Variants in BAZ2B observed in about 807,000 individuals in gnomAD.
BAZ2B encodes bromodomain adjacent to zinc finger domain protein 2B.
BAZ2B carries 91 observed loss-of-function variants against 246.0 expected under a neutral mutation model. The ratio of observed to expected loss-of-function variants is 0.37; its 90% CI spans 0.31 to 0.44. The LOEUF is 0.44. Among genes scored for constraint, BAZ2B ranks in the 20% least tolerant of loss-of-function variants. BAZ2B has a pLI of 1.00. For missense variants in BAZ2B, 2,332 were observed against 2,533.7 expected, an observed-to-expected ratio of 0.92 and a Z score of 1.71; for synonymous variants, 855 against 860.0, an observed-to-expected ratio of 0.99 and a Z score of 0.10.
chr2:159,700,724 C>T, the BAZ2B span, among the ~76,000 whole-genome samples: 2 of 152,178 alleles, frequency 1.3e-5, no homozygotes, highest in Non-Finnish European at 2.9e-5. Flanking sequence ...GGATTACAGG[C>T]GTGAGCCACC....
At chr2:159,709,887 T>C in the BAZ2B span, among the ~76,000 whole-genome samples, 3 of 152,322 alleles carry the variant, frequency 2.0e-5, no homozygotes, top group Admixed American at 6.5e-5. Context: ...AATTGGTTAA[T>C]AGTCAATAAG....
At chr2:159,338,875 C>G (rs2066119060) in intron 31 of BAZ2B, among the ~76,000 whole-genome samples, 1 of 152,034 alleles carries the variant, frequency 6.6e-6, no homozygotes, top group Admixed American at 6.6e-5. Context: ...TAAATTCATA[C>G]ATTACTCTGT....
the BAZ2B span, among the ~76,000 whole-genome samples, chr2:159,628,841 C>T: frequency 1.3e-5 from 2 of 152,182 alleles, no homozygotes; most frequent in Non-Finnish European, 2.9e-5. Flanking sequence ...AACTAAGGAG[C>T]TTCTGCACAG....
chr2:159,612,023 C>G (rs1694813742), intron 1 of BAZ2B, among the ~76,000 whole-genome samples: 1 of 151,836 alleles, frequency 6.6e-6, no homozygotes, highest in Non-Finnish European at 1.5e-5. Flanking sequence ...TATTTAGTAT[C>G]ACACATTTTA....
At chr2:159,405,220 T>A in intron 14 of BAZ2B, 106 bp from the exon 15 acceptor site, 11 of 577,920 alleles carry the variant, frequency 1.9e-5, no homozygotes, top group Non-Finnish European at 2.6e-5. Context: ...TAATTATTAC[T>A]TTTTTTTTTG....
At chr2:159,389,620 A>G (rs1452808509) in intron 20 of BAZ2B, 135 bp from the exon 21 acceptor site, 1 of 790,702 alleles carries the variant, frequency 1.3e-6, no homozygotes, top group African/African-American at 1.8e-5. Context: ...TAATCTTATG[A>G]CTGTATATAT....
chr2:159,351,866 G>A (rs921251743), intron 27 of BAZ2B, among the ~76,000 whole-genome samples: 5 of 152,168 alleles, frequency 3.3e-5, no homozygotes, highest in African/African-American at 1.2e-4. Flanking sequence ...ATTCAGTCAT[G>A]AAGGGTATAA....
chr2:159,675,705 GA>G, the BAZ2B span, among the ~76,000 whole-genome samples: 9 of 151,820 alleles, frequency 5.9e-5, no homozygotes, highest in African/African-American at 1.5e-4. Context: ...AGAATATAAC[GA>G]AATCCCAGCT....
At chr2:159,634,285 T>C in the BAZ2B span, among the ~76,000 whole-genome samples, 4 of 152,192 alleles carry the variant, frequency 2.6e-5, no homozygotes, top group Admixed American at 2.6e-4. Flanking sequence ...TAGAAAACTT[T>C]TTTGACTCAC....
At chr2:159,497,096 T>C (rs949153359) in intron 2 of BAZ2B, among the ~76,000 whole-genome samples, 4 of 152,192 alleles carry the variant, frequency 2.6e-5, no homozygotes, top group Non-Finnish European at 5.9e-5. Context: ...AATACTGTTA[T>C]CTCCATAATT....
chr2:159,554,686 GTTAAA>G (rs754754329), intron 2 of BAZ2B, among the ~76,000 whole-genome samples: 7 of 151,970 alleles, frequency 4.6e-5, no homozygotes, highest in Admixed American at 2.0e-4. Context: ...GATTTAATGA[GTTAAA>G]TTAAAACAGT....
At chr2:159,615,192 G>A (rs1245870543) in intron 1 of BAZ2B, 2 of 147,130 alleles carry the variant, frequency 1.4e-5, no homozygotes, top group Non-Finnish European at 3.0e-5. Flanking sequence ...AGCCAGCTCT[G>A]ACTCTTCAAA....
intron 6 of BAZ2B, among the ~76,000 whole-genome samples, chr2:159,442,797 A>G (rs1252896886): frequency 6.6e-6 from 1 of 152,316 alleles, no homozygotes; most frequent in African/African-American, 2.4e-5. Flanking sequence ...ACTTTGTATA[A>G]TAATGTCCTC....
At position 159,606,132 on chromosome 2, in the gene BAZ2B, T is replaced by C. The variant is rs570363439; in HGVS notation, c.-46+10110A>G. Among the ~76,000 whole-genome samples the C allele has an allele frequency of 6.6e-5, 10 of 152,336 alleles. No individual in the cohort carries two copies. The East Asian group carries it at 1.5e-3, about 24-fold the overall frequency. ...TTTAATGCTAAAATACTTACACTAC[T>C]ATGGACAAAATCTTGATATGTTCCA... On this transcript the variant is annotated intron_variant, in intron 1 of 36. Transcript: ENST00000392783.
At chr2:159,360,569 C>CAATG (rs1553516586) in intron 27 of BAZ2B, among the ~76,000 whole-genome samples, 2 of 151,296 alleles carry the variant, frequency 1.3e-5, no homozygotes, top group Admixed American at 6.6e-5. Flanking sequence ...ATCAAGCTAC[C>CAATG]ACTTTCTTCA....
At chr2:159,696,225 T>C in the BAZ2B span, among the ~76,000 whole-genome samples, 4 of 152,228 alleles carry the variant, frequency 2.6e-5, no homozygotes, top group Non-Finnish European at 5.9e-5. Context: ...TGAACAGGAC[T>C]GGCTGTTTGA....
chr2:159,588,087 G>A lies in BAZ2B; in HGVS notation c.-46+28155C>T, dbSNP rs185929431. Among the ~76,000 whole-genome samples the A allele has an allele frequency of 2.7e-3, 416 of 151,900 alleles. 1 individual carries two copies. Among genetic ancestry groups the A allele is most frequent in the Admixed American group, 5.8e-3 (89 of 15,236 alleles). ...CATGTGTCTGTAGTCCCAGCTACTC[G>A]GGAGGCTAAGGCAGAAGGATAGCTT... On this transcript the variant is annotated intron_variant, in intron 1 of 36. Coordinates refer to ENST00000392783, the MANE Select transcript of BAZ2B (RefSeq NM_013450.4).
At position 159,478,724 on chromosome 2, in the gene BAZ2B, A is replaced by T. The variant is rs539287723; in HGVS notation, c.-2-3T>A. The stretch of plus-strand genomic sequence containing the variant: ...TAACCGTTCTCCAGACTCCATATCT[A>T]TGAGAAGGGAAAATGTTAATTCTCA... On this transcript the variant is annotated splice_region_variant and splice_polypyrimidine_tract_variant and intron_variant, in intron 2 of 36. Transcript: ENST00000392783. The T allele has an allele frequency of 2.0e-5, 30 of 1,517,124 alleles. No individual in the cohort carries two copies. The highest frequency in any genetic ancestry group is 2.6e-5 in the Non-Finnish European group (30 of 1,134,518). 94.0% of individuals were successfully genotyped at this position (1,517,124 alleles called of 1,614,324 possible). A position where few individuals can be genotyped will look rare whatever the true frequency, so the allele number is the denominator to read the frequency against.
At chr2:159,637,477 G>A in the BAZ2B span, among the ~76,000 whole-genome samples, 1 of 152,248 alleles carries the variant, frequency 6.6e-6, no homozygotes, top group Non-Finnish European at 1.5e-5. Context: ...GTGGAAAGGA[G>A]AGGAAACACT....
Sources: gnomAD v4.1 joint callset for allele counts (sites outside exome capture counted in the v4.1 genomes callset) on GRCh38, gnomAD v4.1.1 for gene constraint, MANE v1.5 for transcripts, NCBI Gene and HGNC (gene_info 2026-07-23, HGNC 2026-07-21) for gene names.